The following NXPH1 variants were observed in gnomAD, a reference collection of about 807,000 sequenced individuals.
The protein encoded by NXPH1 is neurexophilin 1.
NXPH1 carries 5 observed loss-of-function variants against 23.7 expected under a neutral mutation model. The ratio of observed to expected loss-of-function variants is 0.21; its 90% CI spans 0.11 to 0.44. NXPH1 has a LOEUF of 0.44. Among genes scored for constraint, NXPH1 ranks in the 20% least tolerant of loss-of-function variants. The pLI, the probability that NXPH1 is intolerant of heterozygous loss-of-function variation, is 0.99. For missense variants in NXPH1, 324 were observed against 321.6 expected, an observed-to-expected ratio of 1.01 and a Z score of -0.06; for synonymous variants, 144 against 122.2, an observed-to-expected ratio of 1.18 and a Z score of -1.18.
At chr7:8,627,976 A>G (rs535278479) in intron 2 of NXPH1, among the ~76,000 whole-genome samples, 2 of 152,266 alleles carry the variant, frequency 1.3e-5, no homozygotes, top group East Asian at 3.9e-4. Context: ...GAGAAGGACA[A>G]GGAAGAAGTG....
At chr7:8,633,350 C>G (rs1820163495) in intron 2 of NXPH1, among the ~76,000 whole-genome samples, 1 of 152,166 alleles carries the variant, frequency 6.6e-6, no homozygotes, top group Non-Finnish European at 1.5e-5. Context: ...ATCACTTGAA[C>G]CCAGGAGGCG....
chr7:8,461,133 C>A (rs1816687094), intron 2 of NXPH1, among the ~76,000 whole-genome samples: 1 of 152,178 alleles, frequency 6.6e-6, no homozygotes, highest in Non-Finnish European at 1.5e-5. Context: ...GATCTCAGCA[C>A]TGGGTTGCAG....
chr7:8,506,587 G>A (rs1817527156), intron 2 of NXPH1, among the ~76,000 whole-genome samples: 1 of 152,070 alleles, frequency 6.6e-6, no homozygotes. Context: ...AGCCAGTAGG[G>A]ACAGTGTGTG....
intron 2 of NXPH1, among the ~76,000 whole-genome samples, chr7:8,538,635 C>T (rs757411067): frequency 2.8e-4 from 42 of 151,866 alleles, no homozygotes; most frequent in Admixed American, 1.6e-3. Flanking sequence ...TCAACTTTTC[C>T]CCCACGTGCT....
At chr7:8,741,725 A>G (rs1451274410) in intron 2 of NXPH1, among the ~76,000 whole-genome samples, 3 of 152,158 alleles carry the variant, frequency 2.0e-5, no homozygotes, top group Admixed American at 6.5e-5. Flanking sequence ...TCAATAAAAT[A>G]CAGGCTCTAA....
At chr7:8,436,439 C>G (rs1249487662) in intron 2 of NXPH1, among the ~76,000 whole-genome samples, 6 of 152,150 alleles carry the variant, frequency 3.9e-5, no homozygotes, top group African/African-American at 1.4e-4. Flanking sequence ...TAGGCCTTGT[C>G]GCCAGGGAGA....
chr7:8,717,349 CA>C (rs1328333023), intron 2 of NXPH1, among the ~76,000 whole-genome samples: 1 of 152,016 alleles, frequency 6.6e-6, no homozygotes, highest in Non-Finnish European at 1.5e-5. Flanking sequence ...TATGTTTCCC[CA>C]AAGCAGAACA....
At chr7:8,516,646 C>G (rs745544139) in intron 2 of NXPH1, among the ~76,000 whole-genome samples, 1 of 152,074 alleles carries the variant, frequency 6.6e-6, no homozygotes, top group African/African-American at 2.4e-5. Flanking sequence ...GGAATTGCTT[C>G]ATCTAAGTTA....
chr7:8,623,684 T>TATTTTTTTTTTTCTTTCTCTGCCCCTATC, intron 2 of NXPH1, among the ~76,000 whole-genome samples: 1 of 150,470 alleles, frequency 6.6e-6, no homozygotes, highest in African/African-American at 2.4e-5. Context: ...AAGTTCTTAT[T>TATTTTTTTTTTTCTTTCTCTGCCCCTATC]TTTAAGAGAT....
chr7:8,696,419 T>G (rs1779509695), intron 2 of NXPH1, among the ~76,000 whole-genome samples: 1 of 152,162 alleles, frequency 6.6e-6, no homozygotes, highest in South Asian at 2.1e-4. Flanking sequence ...AATAACTAAG[T>G]AAGCCAGAAA....
At chr7:8,680,951 C>G (rs1177948239) in intron 2 of NXPH1, among the ~76,000 whole-genome samples, 1 of 152,208 alleles carries the variant, frequency 6.6e-6, no homozygotes, top group Non-Finnish European at 1.5e-5. Context: ...TCACCTGGGA[C>G]AGGGTTAAGA....
intron 2 of NXPH1, among the ~76,000 whole-genome samples, chr7:8,728,147 G>A (rs931772605): frequency 1.6e-4 from 25 of 151,724 alleles, no homozygotes; most frequent in Admixed American, 1.1e-3. Context: ...TTTGTCTGTT[G>A]TTGGTGTATA....
At chr7:8,734,251 C>T (rs990100369) in intron 2 of NXPH1, among the ~76,000 whole-genome samples, 1 of 152,120 alleles carries the variant, frequency 6.6e-6, no homozygotes, top group Non-Finnish European at 1.5e-5. Flanking sequence ...TTTGGTACCA[C>T]TACCATGCTG....
intron 2 of NXPH1, among the ~76,000 whole-genome samples, chr7:8,639,070 G>T (rs77701953): frequency 7.9e-4 from 120 of 152,160 alleles, no homozygotes; most frequent in Non-Finnish European, 1.3e-3. Flanking sequence ...GCAAGCAGTC[G>T]ATTACTGGTA....
At chr7:8,627,689 T>A (rs1820023530) in intron 2 of NXPH1, among the ~76,000 whole-genome samples, 1 of 152,130 alleles carries the variant, frequency 6.6e-6, no homozygotes, top group Non-Finnish European at 1.5e-5. Flanking sequence ...TTTTGACTTT[T>A]AAAAGGAGAT....
At chr7:8,713,502 G>C (rs991194488) in intron 2 of NXPH1, among the ~76,000 whole-genome samples, 16 of 146,808 alleles carry the variant, frequency 1.1e-4, no homozygotes, top group Non-Finnish European at 2.2e-4. Flanking sequence ...CTTGATGCTT[G>C]CAGATTTTTT....
At chr7:8,577,123 T>G (rs1256582230) in intron 2 of NXPH1, among the ~76,000 whole-genome samples, 2 of 152,176 alleles carry the variant, frequency 1.3e-5, no homozygotes, top group Non-Finnish European at 2.9e-5. Flanking sequence ...AAATCCTCCC[T>G]GTATTGTTTA....
chr7:8,709,468 G>C (rs912546062), intron 2 of NXPH1, among the ~76,000 whole-genome samples: 5 of 151,984 alleles, frequency 3.3e-5, no homozygotes, highest in African/African-American at 1.2e-4. Flanking sequence ...TTTCCTCTTT[G>C]CCACCTACCT....
intron 2 of NXPH1, among the ~76,000 whole-genome samples, chr7:8,464,977 TG>T (rs1276361953): frequency 6.6e-6 from 1 of 152,058 alleles, no homozygotes; most frequent in Non-Finnish European, 1.5e-5. Flanking sequence ...AAATGTGCTT[TG>T]GGAAACAAAT....
Sources: gnomAD v4.1 joint callset for allele counts (sites outside exome capture counted in the v4.1 genomes callset) on GRCh38, gnomAD v4.1.1 for gene constraint, MANE v1.5 for transcripts, NCBI Gene and HGNC (gene_info 2026-07-23, HGNC 2026-07-21) for gene names.